Variants in BMAL1 observed in about 807,000 individuals in gnomAD.
BMAL1 encodes basic helix-loop-helix ARNT-like protein 1.
the BMAL1 span, among the ~76,000 whole-genome samples, chr11:13,289,289 C>T: frequency 6.6e-6 from 1 of 152,190 alleles, no homozygotes; most frequent in African/African-American, 2.4e-5. Context: ...GAAAGTTCCC[C>T]TACCTCCAGG....
the BMAL1 span, among the ~76,000 whole-genome samples, chr11:13,327,063 A>AC: frequency 2.0e-5 from 3 of 150,428 alleles, no homozygotes; most frequent in African/African-American, 4.9e-5. Flanking sequence ...CTCGTGATCC[A>AC]CCCCCCTCAG....
At chr11:13,313,439 A>T in the BMAL1 span, among the ~76,000 whole-genome samples, 1 of 152,078 alleles carries the variant, frequency 6.6e-6, no homozygotes, top group East Asian at 1.9e-4. Context: ...CCCCGAGGGC[A>T]CCTCAACCTG....
At chr11:13,358,691 C>A in the BMAL1 span, 1 of 1,256,294 alleles carries the variant, frequency 8.0e-7, no homozygotes. Flanking sequence ...TTATTACTTG[C>A]AATTATGTAG....
the BMAL1 span, among the ~76,000 whole-genome samples, chr11:13,299,198 A>G: frequency 6.6e-6 from 1 of 152,128 alleles, no homozygotes; most frequent in South Asian, 2.1e-4. Flanking sequence ...TTTAGAGCAA[A>G]TTTTGGAGAG....
At chr11:13,338,099 C>T in the BMAL1 span, among the ~76,000 whole-genome samples, 7 of 152,178 alleles carry the variant, frequency 4.6e-5, no homozygotes, top group East Asian at 3.9e-4. Context: ...TTGAGCTGTA[C>T]GACTCATGCC....
the BMAL1 span, chr11:13,360,449 T>C: frequency 5.0e-6 from 8 of 1,597,024 alleles, no homozygotes; most frequent in Non-Finnish European, 6.0e-6. Flanking sequence ...GGGATTGTTT[T>C]ACAACGTTTG....
the BMAL1 span, among the ~76,000 whole-genome samples, chr11:13,293,075 C>G: frequency 6.6e-6 from 1 of 152,162 alleles, no homozygotes; most frequent in African/African-American, 2.4e-5. Context: ...GAGTTTGAAG[C>G]TGTTGTCAGT....
chr11:13,317,349 T>C, the BMAL1 span, among the ~76,000 whole-genome samples: 1 of 152,228 alleles, frequency 6.6e-6, no homozygotes, highest in African/African-American at 2.4e-5. Flanking sequence ...ATGTTGAGTC[T>C]ATGTCCTTTG....
At chr11:13,325,657 TTGTGTGTGTGTGTGTGTGTGTG>T in the BMAL1 span, among the ~76,000 whole-genome samples, 1 of 134,348 alleles carries the variant, frequency 7.4e-6, no homozygotes, top group Non-Finnish European at 1.6e-5. Flanking sequence ...TTGAGACCTT[TTGTGTGTGTGTGTGTGTGTGTG>T]TGTGTGTGTG....
the BMAL1 span, among the ~76,000 whole-genome samples, chr11:13,384,796 T>G: frequency 6.6e-6 from 1 of 152,230 alleles, no homozygotes; most frequent in South Asian, 2.1e-4. Context: ...TAAAATACTA[T>G]TCATTATTTA....
chr11:13,346,566 G>A, the BMAL1 span, among the ~76,000 whole-genome samples: 3 of 152,178 alleles, frequency 2.0e-5, no homozygotes, highest in African/African-American at 4.8e-5. Flanking sequence ...GGCCTCTCTC[G>A]ACAGGGCAGG....
the BMAL1 span, among the ~76,000 whole-genome samples, chr11:13,291,288 A>G: frequency 2.0e-5 from 3 of 152,304 alleles, no homozygotes; most frequent in East Asian, 5.8e-4. Flanking sequence ...CAACCCTATG[A>G]GGGTTTGCAA....
chr11:13,295,881 C>A, the BMAL1 span, among the ~76,000 whole-genome samples: 1 of 152,182 alleles, frequency 6.6e-6, no homozygotes, highest in East Asian at 1.9e-4. Context: ...TTAATTAACT[C>A]CTCCTTGCCT....
the BMAL1 span, among the ~76,000 whole-genome samples, chr11:13,304,751 A>G: frequency 2.0e-5 from 3 of 152,204 alleles, no homozygotes; most frequent in African/African-American, 7.2e-5. Flanking sequence ...GTCCACTTCC[A>G]ATGCCTGCCA....
the BMAL1 span, among the ~76,000 whole-genome samples, chr11:13,358,247 C>A: frequency 6.6e-6 from 1 of 152,206 alleles, no homozygotes; most frequent in African/African-American, 2.4e-5. Context: ...AAAATTAATA[C>A]TGACCTGGCA....
the BMAL1 span, among the ~76,000 whole-genome samples, chr11:13,334,942 C>A: frequency 6.6e-6 from 1 of 152,334 alleles, no homozygotes; most frequent in South Asian, 2.1e-4. Flanking sequence ...GGGATTGAAC[C>A]ATCTTTCTCT....
chr11:13,281,382 T>G, the BMAL1 span, among the ~76,000 whole-genome samples: 4 of 152,166 alleles, frequency 2.6e-5, no homozygotes. Flanking sequence ...CCATTCTTAG[T>G]ACCTGCCCTC....
At chr11:13,321,997 T>A in the BMAL1 span, among the ~76,000 whole-genome samples, 10 of 152,128 alleles carry the variant, frequency 6.6e-5, no homozygotes, top group Non-Finnish European at 1.2e-4. Context: ...CTAGGGACCC[T>A]GCCTACTGCA....
the BMAL1 span, among the ~76,000 whole-genome samples, chr11:13,309,355 C>G: frequency 2.0e-5 from 3 of 152,198 alleles, no homozygotes; most frequent in East Asian, 1.9e-4. Flanking sequence ...GGCCCAGCAT[C>G]CTGGCTGTGG....
Sources: allele counts gnomAD v4.1 joint callset (sites outside exome capture counted in the v4.1 genomes callset), GRCh38; gene constraint gnomAD v4.1.1; transcripts MANE v1.5; gene names NCBI Gene and HGNC (gene_info 2026-07-23, HGNC 2026-07-21).